Variants in ARHGAP39 observed in about 807,000 individuals in gnomAD.
ARHGAP39 encodes rho GTPase-activating protein 39.
In ARHGAP39, 44 loss-of-function variants were observed where a neutral mutation model predicts 106.9. The ratio of observed to expected loss-of-function variants is 0.41; its 90% CI spans 0.32 to 0.53. The LOEUF (loss-of-function observed/expected upper bound fraction) is 0.53. Among genes scored for constraint, ARHGAP39 ranks in the 20% least tolerant of loss-of-function variants. The probability of loss-of-function intolerance (pLI) is 0.21; values close to 1 mark genes in which losing one functional copy is unlikely to be tolerated. For synonymous variants in ARHGAP39, 768 were observed against 693.2 expected (o/e 1.11, Z -1.69); for missense variants, 1,496 against 1,577.3 (o/e 0.95, Z 0.87).
In ARHGAP39 at chr8:144,604,471, G is replaced by A. The variant is rs2130944092; in HGVS notation, c.80+1064C>T. ...CAGCTCACTGCAGCCTAAACCTCTTGGGCTCAAGGGATCTCCTCACCTCAG... is the reference window on the plus strand; with the variant it reads ...CAGCTCACTGCAGCCTAAACCTCTTAGGCTCAAGGGATCTCCTCACCTCAG... On this transcript the variant is annotated intron_variant, in intron 2 of 11. Coordinates refer to ENST00000377307, the MANE Select transcript of ARHGAP39 (RefSeq NM_025251.3). This position sits in a 1 kb window ranked among gnomAD's most constrained non-coding sequence, Gnocchi z 4.1. Among the ~76,000 whole-genome samples, 1 of 152,186 alleles carries A rather than the reference G, an allele frequency of 6.6e-6. No individual in the cohort carries two copies. Among genetic ancestry groups the A allele is most frequent in the African/African-American group, 2.4e-5 (1 of 41,490 alleles).
intron 1 of ARHGAP39, among the ~76,000 whole-genome samples, chr8:144,674,641 G>T (rs1822184577): frequency 1.3e-5 from 2 of 152,180 alleles, no homozygotes; most frequent in African/African-American, 4.8e-5. Context: ...TTTCACCCAG[G>T]AGCCTGTCTG....
At chr8:144,681,408 G>A (rs1325194831) in intron 1 of ARHGAP39, among the ~76,000 whole-genome samples, 2 of 152,220 alleles carry the variant, frequency 1.3e-5, no homozygotes, top group Non-Finnish European at 2.9e-5. Flanking sequence ...GCCTTGTGGT[G>A]TCTTTACAGG....
chr8:144,611,374 A>G (rs1460983250), intron 1 of ARHGAP39, among the ~76,000 whole-genome samples: 2 of 152,182 alleles, frequency 1.3e-5, no homozygotes, highest in Non-Finnish European at 2.9e-5. Flanking sequence ...AGCCAATCGG[A>G]TCAGGCTGGT....
At chr8:144,598,312 G>A (rs775297954) in intron 2 of ARHGAP39, among the ~76,000 whole-genome samples, 6 of 152,146 alleles carry the variant, frequency 3.9e-5, no homozygotes, top group Admixed American at 1.3e-4. Flanking sequence ...GCTTTTCCAC[G>A]TTGTGTGTAA....
chr8:144,605,518 G>A lies in ARHGAP39; in HGVS notation c.80+17C>T. On this transcript the variant is annotated intron_variant, in intron 2 of 11. Coordinates refer to ENST00000377307, the MANE Select transcript of ARHGAP39 (RefSeq NM_025251.3). The stretch of plus-strand genomic sequence containing the variant: ...TCGTGAGGCCCGGGCAGCTCCGCAG[G>A]TCGGTCGGCTCCTTACCGAGTGTTC... 1 of 1,613,502 alleles carries A rather than the reference G, an allele frequency of 6.2e-7. No homozygotes were observed. Among genetic ancestry groups the A allele is most frequent in the Non-Finnish European group, 8.5e-7 (1 of 1,179,812 alleles).
chr8:144,616,133 G>A (rs1563709778), intron 1 of ARHGAP39, among the ~76,000 whole-genome samples: 1 of 152,256 alleles, frequency 6.6e-6, no homozygotes, highest in Non-Finnish European at 1.5e-5. Flanking sequence ...TTGCAAAGCT[G>A]CTGCTTGGCC....
the ARHGAP39 span, among the ~76,000 whole-genome samples, chr8:144,691,076 T>G: frequency 6.6e-6 from 1 of 152,170 alleles, no homozygotes; most frequent in Non-Finnish European, 1.5e-5. Flanking sequence ...TCGGCTTCTT[T>G]CTTGGCAGCT....
chr8:144,699,080 C>T, the ARHGAP39 span: 1 of 324,116 alleles, frequency 3.1e-6, no homozygotes, highest in Non-Finnish European at 6.1e-6. Flanking sequence ...CACCTCTTGT[C>T]TCTTGGGAGG....
intron 2 of ARHGAP39, among the ~76,000 whole-genome samples, chr8:144,603,422 A>G (rs551806252): frequency 1.3e-5 from 2 of 152,274 alleles, no homozygotes; most frequent in South Asian, 2.1e-4. Flanking sequence ...CAGGCCAAAA[A>G]GCACACATCT....
At chr8:144,590,974 G>C (rs534562232) in intron 2 of ARHGAP39, among the ~76,000 whole-genome samples, 1 of 152,300 alleles carries the variant, frequency 6.6e-6, no homozygotes, top group African/African-American at 2.4e-5. Flanking sequence ...CCCAAAACTG[G>C]GACCTGGTCA....
Position 144,670,146 on chromosome 8 carries a change from G to GT in ARHGAP39, c.-82+15539dup, listed in dbSNP as rs1822064976. Among the ~76,000 whole-genome samples, 1 of 152,202 alleles carries GT rather than the reference G, an allele frequency of 6.6e-6. No homozygotes were observed. Among genetic ancestry groups the GT allele is most frequent in the African/African-American group, 2.4e-5 (1 of 41,444 alleles). ...ACAGAGCTCGGATGCATGCTAGAGC[G>GT]TACCGGGAAGCAGGATCAGGGCCTG... On this transcript the variant is annotated intron_variant, in intron 1 of 11. Coordinates refer to ENST00000377307, the MANE Select transcript of ARHGAP39 (RefSeq NM_025251.3). The surrounding 1 kb of genome is among the most constrained non-coding windows in gnomAD (Gnocchi z 4.4).
intron 6 of ARHGAP39, 54 bp from the exon 7 acceptor site, chr8:144,537,867 G>A (rs965539413): frequency 1.2e-5 from 18 of 1,517,496 alleles, no homozygotes; most frequent in Non-Finnish European, 1.6e-5. Flanking sequence ...AGGAGCCAGC[G>A]CCCACTCAGC....
rs1189469992 is a variant in ARHGAP39, at chr8:144,529,211, G to A, written c.*1211C>T. On this transcript the variant is annotated 3_prime_UTR_variant, in exon 12 of 12. Transcript: ENST00000377307. ...CATGTGCACTTTATTCACTCGTGTCGTCGCCTCTCGGGTCCATGCGTCGGG... is the reference window on the plus strand; with the variant it reads ...CATGTGCACTTTATTCACTCGTGTCATCGCCTCTCGGGTCCATGCGTCGGG... 1.7e-5 allele frequency: 5 copies of A among 292,306 alleles called. No individual in the cohort carries two copies. The highest frequency in any genetic ancestry group is 2.5e-5 in the African/African-American group (1 of 39,332). 18.1% of individuals were successfully genotyped at this position (292,306 alleles called of 1,614,324 possible).
intron 2 of ARHGAP39, among the ~76,000 whole-genome samples, chr8:144,588,361 G>A (rs905050197): frequency 6.6e-6 from 1 of 152,240 alleles, no homozygotes; most frequent in African/African-American, 2.4e-5. Flanking sequence ...CTGACTGCCC[G>A]GTGGGGCACA....
chr8:144,542,434 C>T (rs1041522089), intron 6 of ARHGAP39, among the ~76,000 whole-genome samples: 5 of 152,090 alleles, frequency 3.3e-5, no homozygotes, highest in South Asian at 4.1e-4. Context: ...CTCAGGGCGA[C>T]GCACCAGGCT....
intron 2 of ARHGAP39, among the ~76,000 whole-genome samples, chr8:144,582,836 T>A (rs1206496330): frequency 6.6e-6 from 1 of 152,150 alleles, no homozygotes; most frequent in African/African-American, 2.4e-5. Flanking sequence ...TGAGAACTCC[T>A]GAGGCCCGCC....
chr8:144,547,070 A>T lies in ARHGAP39; in HGVS notation c.1959+57T>A. On this transcript the variant is annotated intron_variant, in intron 5 of 11. Coordinates refer to ENST00000377307, the MANE Select transcript of ARHGAP39 (RefSeq NM_025251.3). This position sits in a 1 kb window ranked among gnomAD's most constrained non-coding sequence, Gnocchi z 5.2. ...CTCCTGTGCCTGGCCCACGGGGTCC[A>T]CTCTGACTGGGCTGGCCCCAGGCTC... 1 of 1,491,526 alleles carries T rather than the reference A, an allele frequency of 6.7e-7. No homozygotes were observed. The highest frequency in any genetic ancestry group is 8.9e-7 in the Non-Finnish European group (1 of 1,120,622). The allele number at this position is 1,491,526 out of a possible 1,614,324, so 92.4% of individuals were successfully genotyped here. A position where few individuals can be genotyped will look rare whatever the true frequency, so the allele number is the denominator to read the frequency against.
At chr8:144,690,223 C>G (rs563001408), upstream of ARHGAP39, among the ~76,000 whole-genome samples, 7 of 152,238 alleles carry the variant, frequency 4.6e-5, no homozygotes, top group East Asian at 1.2e-3. Flanking sequence ...AGCGATTCTC[C>G]TGCCTCAGCC....
chr8:144,536,218 G>A (rs1396172494), intron 7 of ARHGAP39, among the ~76,000 whole-genome samples: 1 of 152,272 alleles, frequency 6.6e-6, no homozygotes, highest in East Asian at 1.9e-4. Flanking sequence ...CAGGAGGGAC[G>A]GCTGCCCACA....
Sources: gnomAD v4.1 joint callset for allele counts (sites outside exome capture counted in the v4.1 genomes callset) on GRCh38, gnomAD v4.1.1 for gene constraint, Gnocchi (gnomAD v3.1) non-coding constraint, MANE v1.5 for transcripts, NCBI Gene and HGNC (gene_info 2026-07-23, HGNC 2026-07-21) for gene names.